The following CCDC92 variants were observed in gnomAD, a reference collection of about 807,000 sequenced individuals.
The protein encoded by CCDC92 is coiled-coil domain containing 92, also known as coiled-coil domain-containing protein 92.
A neutral mutation model predicts 24.9 loss-of-function variants in CCDC92; 12 were observed. That is an observed-to-expected ratio of 0.48 (90% CI 0.31 to 0.78). The LOEUF (loss-of-function observed/expected upper bound fraction) is 0.78. Among genes scored for constraint, CCDC92 ranks in the 30% least tolerant of loss-of-function variants. CCDC92 has a pLI of 0.05. For missense variants in CCDC92, 399 were observed against 439.4 expected (o/e 0.91, Z 0.82); for synonymous variants, 193 against 196.3 (o/e 0.98, Z 0.14).
chr12:123,964,922 G>A (rs1421307951), intron 1 of CCDC92, among the ~76,000 whole-genome samples: 1 of 151,980 alleles, frequency 6.6e-6, no homozygotes, highest in South Asian at 2.1e-4. Flanking sequence ...AATTCCCTTT[G>A]TACCAGCAGA....
At chr12:123,945,105 C>A (rs1423080462) in intron 1 of CCDC92, 1 of 152,080 alleles carries the variant, frequency 6.6e-6, no homozygotes, top group Non-Finnish European at 1.5e-5. Context: ...AACTCAAAAC[C>A]CGACAATAGG....
chr12:123,944,352 G>C lies in CCDC92; in HGVS notation c.-47C>G. On this transcript the variant is annotated 5_prime_UTR_variant, in exon 2 of 5. Transcript: ENST00000238156. ...CAGAGTAATTCAAGACGCTTGTACA[G>C]CACTGAAAAATACTGAGGATGAAAT... 6.7e-7 allele frequency: 1 copy of C among 1,484,044 alleles called. No homozygotes were observed. Among genetic ancestry groups the C allele is most frequent in the Non-Finnish European group, 9.0e-7 (1 of 1,112,506 alleles). The allele number at this position is 1,484,044 out of a possible 1,614,324, so 91.9% of individuals were successfully genotyped here. A position where few individuals can be genotyped will look rare whatever the true frequency, so the allele number is the denominator to read the frequency against.
chr12:123,950,955 G>A (rs984237164), intron 1 of CCDC92, among the ~76,000 whole-genome samples: 3 of 152,084 alleles, frequency 2.0e-5, no homozygotes, highest in Admixed American at 1.3e-4. Flanking sequence ...CCTCCCCAGC[G>A]GCATCCCCCT....
In CCDC92 at chr12:123,937,509, C is replaced by T; in HGVS notation, c.545G>A (p.Gly182Glu). The change falls in exon 5 of 5, where the codon GGG becomes GAG. Residue 182 changes from glycine to glutamate, a missense_variant. Coordinates refer to ENST00000238156, the MANE Select transcript of CCDC92 (RefSeq NM_025140.3). This position sits in a 1 kb window ranked among gnomAD's most constrained non-coding sequence, Gnocchi z 8.4. ...SSGTSDASPS[G>E]SPVLASYKPA... Reference sequence around the variant, plus strand: ...CTTGTAGCTGGCCAGCACGGGGCTCCCTGACGGGCTGGCATCTGAGGTCCC... The same window carrying T: ...CTTGTAGCTGGCCAGCACGGGGCTCTCTGACGGGCTGGCATCTGAGGTCCC... 3.7e-6 allele frequency: 6 copies of T among 1,612,464 alleles called. No individual in the cohort carries two copies. Among genetic ancestry groups the T allele is most frequent in the Non-Finnish European group, 5.1e-6 (6 of 1,179,982 alleles).
At chr12:123,956,994 GTCA>G (rs1422281950) in intron 1 of CCDC92, among the ~76,000 whole-genome samples, 6 of 152,142 alleles carry the variant, frequency 3.9e-5, no homozygotes, top group South Asian at 2.1e-4. Context: ...CTTGTTAAAG[GTCA>G]TCATTTTTCA....
intron 1 of CCDC92, chr12:123,962,802 C>T (rs1345008193): frequency 2.6e-5 from 4 of 151,442 alleles, no homozygotes; most frequent in African/African-American, 7.3e-5. Flanking sequence ...TTTTTTTTTT[C>T]CCTCAGAGAA....
chr12:123,965,214 A>G (rs1956363500), intron 1 of CCDC92, among the ~76,000 whole-genome samples: 1 of 152,220 alleles, frequency 6.6e-6, no homozygotes, highest in Non-Finnish European at 1.5e-5. Flanking sequence ...GTTTGGAATG[A>G]CGTGTGTGCT....
At chr12:123,947,184 A>G (rs543479136) in intron 1 of CCDC92, among the ~76,000 whole-genome samples, 2 of 152,278 alleles carry the variant, frequency 1.3e-5, no homozygotes, top group South Asian at 4.1e-4. Context: ...ACCAGGCCTT[A>G]GCTGCCTTCC....
chr12:123,969,529 C>T (rs1056151695), intron 1 of CCDC92, among the ~76,000 whole-genome samples: 2 of 124,910 alleles, frequency 1.6e-5, no homozygotes, highest in African/African-American at 3.2e-5. Flanking sequence ...AGTGCAGTGG[C>T]GTGATCTGGG....
chr12:123,938,001 G>A (rs1239264489), intron 4 of CCDC92, among the ~76,000 whole-genome samples, 171 bp from the exon 5 acceptor site: 1 of 152,170 alleles, frequency 6.6e-6, no homozygotes, highest in Non-Finnish European at 1.5e-5. Context: ...CCCCGAGGTG[G>A]GGAGATCGGG....
intron 1 of CCDC92, chr12:123,968,271 G>A (rs1448212386): frequency 1.3e-5 from 2 of 152,202 alleles, no homozygotes; most frequent in East Asian, 1.9e-4. Context: ...GAATAATCAT[G>A]AAAGTATTGA....
intron 1 of CCDC92, among the ~76,000 whole-genome samples, chr12:123,962,043 A>AT (rs757723933): frequency 5.9e-5 from 9 of 152,224 alleles, no homozygotes; most frequent in African/African-American, 1.2e-4. Flanking sequence ...TTTGCTAAAC[A>AT]TTCTCTTTTG....
At chr12:123,965,884 T>C (rs756765294) in intron 1 of CCDC92, among the ~76,000 whole-genome samples, 9 of 152,124 alleles carry the variant, frequency 5.9e-5, no homozygotes, top group Non-Finnish European at 1.2e-4. Context: ...ATTCATGTTG[T>C]GGGAAGTAGC....
chr12:123,965,336 CTT>C (rs1187284207), intron 1 of CCDC92, among the ~76,000 whole-genome samples: 1 of 152,208 alleles, frequency 6.6e-6, no homozygotes, highest in African/African-American at 2.4e-5. Context: ...GATGCAATCT[CTT>C]CTCAATAAAG....
chr12:123,972,603 G>T lies in CCDC92; in HGVS notation c.-134C>A. The T allele has an allele frequency of 6.7e-6, 1 of 150,248 alleles. No individual in the cohort carries two copies. The highest frequency in any genetic ancestry group is 2.0e-4 in the South Asian group (1 of 5,096). 9.3% of individuals were successfully genotyped at this position (150,248 alleles called of 1,614,324 possible). A position where few individuals can be genotyped will look rare whatever the true frequency, so the allele number is the denominator to read the frequency against. Reference sequence around the variant, plus strand: ...GGTCCTCCCGGCGGGCGGCGGTGGGGGCCCGTGGCCCATGGGCTGGGCGGG... The same window carrying T: ...GGTCCTCCCGGCGGGCGGCGGTGGGTGCCCGTGGCCCATGGGCTGGGCGGG... On this transcript the variant is annotated 5_prime_UTR_variant, in exon 1 of 5. Transcript: ENST00000238156.
At chr12:123,958,983 G>C (rs1233233691) in intron 1 of CCDC92, among the ~76,000 whole-genome samples, 1 of 152,184 alleles carries the variant, frequency 6.6e-6, no homozygotes, top group Non-Finnish European at 1.5e-5. Flanking sequence ...CACTCTGGTT[G>C]AAAGTGGATC....
chr12:123,968,588 A>C (rs1956447115), intron 1 of CCDC92: 1 of 152,204 alleles, frequency 6.6e-6, no homozygotes, highest in Non-Finnish European at 1.5e-5. Context: ...AGCATAAATA[A>C]ATGGTATATT....
intron 1 of CCDC92, among the ~76,000 whole-genome samples, chr12:123,950,903 AC>A (rs967886541): frequency 1.1e-4 from 17 of 152,184 alleles, no homozygotes; most frequent in Admixed American, 1.0e-3. Context: ...CTTTCTTGGG[AC>A]CAAGCCCCAC....
chr12:123,938,635 C>T (rs1216564270), intron 4 of CCDC92, among the ~76,000 whole-genome samples: 1 of 152,188 alleles, frequency 6.6e-6, no homozygotes, highest in Non-Finnish European at 1.5e-5. Flanking sequence ...GCTGGCTGGC[C>T]ATCCTCCTTG....
Sources: gnomAD v4.1 joint callset for allele counts (sites outside exome capture counted in the v4.1 genomes callset) on GRCh38, gnomAD v4.1.1 for gene constraint, Gnocchi (gnomAD v3.1) non-coding constraint, MANE v1.5 for transcripts, NCBI Gene and HGNC (gene_info 2026-07-23, HGNC 2026-07-21) for gene names.